The following ELFN1 variants were observed in gnomAD, a reference collection of about 807,000 sequenced individuals.
The protein encoded by ELFN1 is extracellular leucine rich repeat and fibronectin type III domain containing 1.
A neutral mutation model predicts 7.6 loss-of-function variants in ELFN1; 6 were observed. The observed-to-expected ratio is 0.79, with a 90% CI of 0.43 to 1.56. ELFN1 has a LOEUF of 1.56. Among genes scored for constraint, ELFN1 ranks in the 40% most tolerant of loss-of-function variants. The pLI is 0.01. For synonymous variants in ELFN1, 657 were observed against 588.1 expected, an observed-to-expected ratio of 1.12 and a Z score of -1.70; for missense variants, 1,169 against 1,232.2, an observed-to-expected ratio of 0.95 and a Z score of 0.77.
chr7:1,746,969 G>C lies in ELFN1; in HGVS notation c.2373G>C (p.Glu791Asp). The change falls in exon 4 of 4, where the codon GAG becomes GAC. Residue 791 changes from glutamate to aspartate, a missense_variant. Physicochemically the swap from Glu to Asp is conservative, Grantham distance 45 (BLOSUM62 2). Coordinates refer to ENST00000424383, the MANE Select transcript of ELFN1 (RefSeq NM_001128636.4). ...RLSRRRHKEEEEFMAAGHALR... is the reference protein window; with the variant it reads ...RLSRRRHKEEDEFMAAGHALR... ...GCCGCCGGCGGCACAAGGAGGAAGA[G>C]GAGTTCATGGCCGCGGGCCATGCCC... The C allele has an allele frequency of 6.4e-7, 1 of 1,555,952 alleles. No homozygotes were observed. The highest frequency in any genetic ancestry group is 8.7e-7 in the Non-Finnish European group (1 of 1,150,470).
chr7:1,670,942 TG>T lies in ELFN1; in HGVS notation c.-549+594del, dbSNP rs1409977129. On this transcript the variant is annotated intron_variant, in intron 1 of 3. Transcript: ENST00000424383. The surrounding 1 kb of genome is among the most constrained non-coding windows in gnomAD (Gnocchi z 6.4). ...TCCAACCACTGGCGGGGGGGTGGGGTGGGGGGCTTCGCTCCGAACTGAACTT... is the reference window on the plus strand; with the variant it reads ...TCCAACCACTGGCGGGGGGGTGGGGTGGGGGCTTCGCTCCGAACTGAACTT... Among the ~76,000 whole-genome samples, 2 of 142,144 alleles carry T rather than the reference TG, an allele frequency of 1.4e-5. No individual in the cohort carries two copies. Among genetic ancestry groups the T allele is most frequent in the East Asian group, 4.8e-4 (2 of 4,158 alleles). 93.3% of individuals were successfully genotyped at this position (142,144 alleles called of 152,430 possible).
chr7:1,716,908 A>G (rs575591258), intron 3 of ELFN1, among the ~76,000 whole-genome samples: 123 of 152,272 alleles, frequency 8.1e-4, no homozygotes, highest in African/African-American at 2.5e-3. Context: ...GCCAGGGCGC[A>G]GGCAGCCGGC....
chr7:1,719,753 G>A (rs12671525), intron 3 of ELFN1, among the ~76,000 whole-genome samples: 33,208 of 152,142 alleles, frequency 0.22, 4,474 homozygotes, highest in East Asian at 0.46. Flanking sequence ...CAGGCCAGGA[G>A]CAAATGGCTA....
At chr7:1,711,690 CA>C (rs1409996483) in intron 3 of ELFN1, among the ~76,000 whole-genome samples, 1 of 151,778 alleles carries the variant, frequency 6.6e-6, no homozygotes, top group Non-Finnish European at 1.5e-5. Flanking sequence ...TTCGTGTATT[CA>C]TCCAGTCTGT....
At chr7:1,691,336 AC>A (rs1562360816) in intron 2 of ELFN1, among the ~76,000 whole-genome samples, 1 of 152,108 alleles carries the variant, frequency 6.6e-6, no homozygotes. Context: ...TGCAGTCTCC[AC>A]CCAAGGCTGC....
Position 1,705,068 on chromosome 7 carries a change from G to C in ELFN1, c.-455-4023G>C, listed in dbSNP as rs1249949736. Among the ~76,000 whole-genome samples the C allele has an allele frequency of 2.0e-5, 3 of 152,128 alleles. No individual in the cohort carries two copies. The highest frequency in any genetic ancestry group is 7.2e-5 in the African/African-American group (3 of 41,434). On this transcript the variant is annotated intron_variant, in intron 2 of 3. Coordinates refer to ENST00000424383, the MANE Select transcript of ELFN1 (RefSeq NM_001128636.4). The surrounding 1 kb of genome is among the most constrained non-coding windows in gnomAD (Gnocchi z 4.3). ...GCAGAGGTGGAGACCTGCTGGGGTG[G>C]GGGGCGCGTACTGGAGAACAGAGGG...
In ELFN1 at chr7:1,670,935, G is replaced by T. The variant is rs955703087; in HGVS notation, c.-549+581G>T. 1.3e-5 allele frequency among the ~76,000 whole-genome samples: 2 copies of T among 152,134 alleles called. No homozygotes were observed. Among genetic ancestry groups the T allele is most frequent in the Admixed American group, 6.5e-5 (1 of 15,286 alleles). ...CCCTGAGTCCAACCACTGGCGGGGG[G>T]GTGGGGTGGGGGGCTTCGCTCCGAA... On this transcript the variant is annotated intron_variant, in intron 1 of 3. Transcript: ENST00000424383. This position sits in a 1 kb window ranked among gnomAD's most constrained non-coding sequence, Gnocchi z 6.4.
intron 1 of ELFN1, among the ~76,000 whole-genome samples, chr7:1,671,015 C>T (rs1303745129): frequency 6.6e-6 from 1 of 152,222 alleles, no homozygotes; most frequent in East Asian, 1.9e-4. Flanking sequence ...CATCCTCGTC[C>T]TCGTCCCTCT....
At chr7:1,718,253 G>A (rs1173219732) in intron 3 of ELFN1, among the ~76,000 whole-genome samples, 2 of 152,212 alleles carry the variant, frequency 1.3e-5, no homozygotes, top group Non-Finnish European at 2.9e-5. Context: ...TAGAAATGTA[G>A]TATTTAGGTG....
chr7:1,711,802 C>T (rs963740220), intron 3 of ELFN1, among the ~76,000 whole-genome samples: 29 of 152,210 alleles, frequency 1.9e-4, no homozygotes, highest in African/African-American at 7.0e-4. Context: ...TCCCCACAGA[C>T]CCTCTCTCAA....
rs1347157791 is a variant in ELFN1, at chr7:1,745,409, G to A, written c.813G>A (p.Gln271=). 19 of 1,539,104 alleles carry A rather than the reference G, an allele frequency of 1.2e-5. No individual in the cohort carries two copies. The East Asian group carries it at 2.4e-4, about 20-fold the overall frequency. The change falls in exon 4 of 4, where the codon CAG becomes CAA. Residue 271 remains glutamine (Q), a synonymous_variant. Coordinates refer to ENST00000424383, the MANE Select transcript of ELFN1 (RefSeq NM_001128636.4). ...CACGTCCAGCATCCGGGCGCTCACA[G>A]CCGGGCCGCTCCCCGCCGCCCCCGC... ...GPPRPASGRS[Q]PGRSPPPPPP...
At position 1,747,099 on chromosome 7, in the gene ELFN1, C is replaced by T. The variant is rs148122916; in HGVS notation, c.*16C>T. On this transcript the variant is annotated 3_prime_UTR_variant, in exon 4 of 4. Coordinates refer to ENST00000424383, the MANE Select transcript of ELFN1 (RefSeq NM_001128636.4). ...CAAGTCCTGAGCCCCCCAAGACCGG[C>T]GATGCCCACTGGACCAAAAAGGATG... 15 of 1,457,790 alleles carry T rather than the reference C, an allele frequency of 1.0e-5. No individual in the cohort carries two copies. The highest frequency in any genetic ancestry group is 8.6e-5 in the South Asian group (6 of 69,426). The allele number at this position is 1,457,790 out of a possible 1,614,324, so 90.3% of individuals were successfully genotyped here. A position where few individuals can be genotyped will look rare whatever the true frequency, so the allele number is the denominator to read the frequency against.
chr7:1,707,218 G>A (rs1348494962), intron 2 of ELFN1, among the ~76,000 whole-genome samples: 1 of 152,214 alleles, frequency 6.6e-6, no homozygotes, highest in Non-Finnish European at 1.5e-5. Context: ...GTGATGTCTG[G>A]CTGTTCCGCT....
In ELFN1 at chr7:1,720,701, C is replaced by T. The variant is rs955369534; in HGVS notation, c.-294+11449C>T. Among the ~76,000 whole-genome samples, 4 of 152,218 alleles carry T rather than the reference C, an allele frequency of 2.6e-5. No homozygotes were observed. In the South Asian group the frequency reaches 6.2e-4, roughly 24 times the overall value. ...CCTGGAGACCACCTCTCTCCCCTTC[C>T]GGTGGTGGGATCCCTTCCTCCCCCC... is the stretch of plus-strand genomic sequence containing the variant. On this transcript the variant is annotated intron_variant, in intron 3 of 3. Transcript: ENST00000424383.
At chr7:1,670,211 C>A (rs959848282), upstream of ELFN1, among the ~76,000 whole-genome samples, 22 of 151,206 alleles carry the variant, frequency 1.5e-4, no homozygotes, top group African/African-American at 5.3e-4. This position sits in a 1 kb window ranked among gnomAD's most constrained non-coding sequence, Gnocchi z 6.4. Context: ...TGAATTCCCC[C>A]CCGGCCGCGC....
chr7:1,709,485 C>G (rs1204286302), intron 3 of ELFN1, among the ~76,000 whole-genome samples: 1 of 152,192 alleles, frequency 6.6e-6, no homozygotes. Context: ...ACAAAAGGAG[C>G]CTGGGGCTGC....
chr7:1,699,919 C>G (rs568394532), intron 2 of ELFN1, among the ~76,000 whole-genome samples: 1 of 152,270 alleles, frequency 6.6e-6, no homozygotes, highest in African/African-American at 2.4e-5. Flanking sequence ...AGGCTGGTCT[C>G]GAACTCCTGA....
intron 3 of ELFN1, among the ~76,000 whole-genome samples, chr7:1,732,450 T>C (rs1412049106): frequency 6.6e-6 from 1 of 152,006 alleles, no homozygotes; most frequent in Admixed American, 6.6e-5. Flanking sequence ...CAGGAGATGC[T>C]CCAGCCTGGG....
At chr7:1,712,283 A>G (rs375413377) in intron 3 of ELFN1, among the ~76,000 whole-genome samples, 2 of 152,098 alleles carry the variant, frequency 1.3e-5, no homozygotes, top group Non-Finnish European at 1.5e-5. Context: ...CACCACGCCC[A>G]GCTAGTTTTT....
Sources: gnomAD v4.1 joint callset for allele counts (sites outside exome capture counted in the v4.1 genomes callset) on GRCh38, gnomAD v4.1.1 for gene constraint, Gnocchi (gnomAD v3.1) non-coding constraint, MANE v1.5 for transcripts, NCBI Gene and HGNC (gene_info 2026-07-23, HGNC 2026-07-21) for gene names.